Variants in AATF observed in about 807,000 individuals in gnomAD.
AATF encodes apoptosis antagonizing transcription factor, also known as protein AATF.
In AATF, 48 loss-of-function variants were observed where a neutral mutation model predicts 63.7. The observed-to-expected ratio is 0.75, with a 90% CI of 0.60 to 0.96. The LOEUF is 0.96. AATF is among the 40% of genes least tolerant of loss of function. The pLI is 0.00. For synonymous variants in AATF, 258 were observed against 247.7 expected (o/e 1.04, Z -0.39); for missense variants, 639 against 685.7 (o/e 0.93, Z 0.76).
At chr17:36,984,130 T>G (rs2071148844) in intron 4 of AATF, among the ~76,000 whole-genome samples, 1 of 152,126 alleles carries the variant, frequency 6.6e-6, no homozygotes, top group Admixed American at 6.5e-5. Context: ...TTAACCTAAG[T>G]TTGTGTGGGC....
chr17:37,049,831 G>T (rs2071731465), intron 11 of AATF, among the ~76,000 whole-genome samples: 1 of 152,126 alleles, frequency 6.6e-6, no homozygotes, highest in Non-Finnish European at 1.5e-5. Context: ...GGAGGCCCTG[G>T]GCATACTGAT....
At chr17:37,042,733 CTTTCTTT>C (rs937313464) in intron 11 of AATF, among the ~76,000 whole-genome samples, 11 of 137,276 alleles carry the variant, frequency 8.0e-5, no homozygotes, top group African/African-American at 2.0e-4. Context: ...TTAATTTTTT[CTTTCTTT>C]TTTTTTTTTT....
intron 3 of AATF, 85 bp from the exon 4 acceptor site, chr17:36,953,684 TG>T: frequency 7.8e-7 from 1 of 1,275,014 alleles, no homozygotes; most frequent in Non-Finnish European, 1.1e-6. Flanking sequence ...GAGACTGGTG[TG>T]GTTTCCTGTT....
intron 10 of AATF, among the ~76,000 whole-genome samples, chr17:37,021,816 A>T (rs1025792643): frequency 0.011 from 867 of 80,848 alleles, 65 homozygotes; most frequent in Non-Finnish European, 0.012. Flanking sequence ...AAAAAAAAAA[A>T]AAAAATAATA....
chr17:36,970,946 A>T (rs1217625602), intron 4 of AATF, among the ~76,000 whole-genome samples: 1 of 152,198 alleles, frequency 6.6e-6, no homozygotes, highest in Non-Finnish European at 1.5e-5. Flanking sequence ...GTCAATTTAT[A>T]TTAACTTAAA....
At chr17:36,949,367 G>C (rs371124800) in intron 1 of AATF, 151 bp downstream of exon 1, 25 of 695,578 alleles carry the variant, frequency 3.6e-5, no homozygotes, top group African/African-American at 3.0e-4. Context: ...GGGTGGTCCC[G>C]GCCTCGGGAG....
intron 10 of AATF, among the ~76,000 whole-genome samples, chr17:37,022,926 T>TC (rs2071484064): frequency 6.6e-6 from 1 of 152,058 alleles, no homozygotes; most frequent in Admixed American, 6.6e-5. Context: ...CGTACCTGTC[T>TC]CCCCCCAGCC....
rs2071268711 is a variant in AATF at position 36,998,182 on chromosome 17, G to A, written c.1398+7325G>A. On this transcript the variant is annotated intron_variant, in intron 8 of 11. Transcript: ENST00000619387. ...TCACAAATCACCACTAAAGAACTTAGCCATGTAACCAAATACCACCTGTAA... is the reference window on the plus strand; with the variant it reads ...TCACAAATCACCACTAAAGAACTTAACCATGTAACCAAATACCACCTGTAA... Among the ~76,000 whole-genome samples, 5 of 152,022 alleles carry A rather than the reference G, an allele frequency of 3.3e-5. 1 individual carries two copies. In the South Asian group the frequency reaches 1.0e-3, roughly 32 times the overall value.
Position 36,989,402 on chromosome 17 carries a change from A to G in AATF, c.1305A>G (p.Pro435=), listed in dbSNP as rs762677799. 6.2e-7 allele frequency: 1 copy of G among 1,612,280 alleles called. No individual in the cohort carries two copies. The highest frequency in any genetic ancestry group is 8.5e-7 in the Non-Finnish European group (1 of 1,178,840). Residue 435 remains proline, a synonymous_variant, in exon 7 of 12, where the codon CCA becomes CCG. Coordinates refer to ENST00000619387, the MANE Select transcript of AATF (RefSeq NM_012138.4). The part of the protein sequence containing the change: ...PAAQPVPESL[P]GEPEILPQAP... The stretch of plus-strand genomic sequence containing the variant: ...CTCAGCCTGTCCCAGAGAGTTTGCC[A>G]GGGGAACCGGTAAGAACTCTGTAAT...
intron 8 of AATF, among the ~76,000 whole-genome samples, chr17:37,013,793 T>C (rs757106800): frequency 7.2e-5 from 11 of 152,222 alleles, no homozygotes; most frequent in Non-Finnish European, 1.6e-4. Context: ...TGTTTTTTCC[T>C]AGAGCTAATA....
intron 11 of AATF, chr17:37,043,220 C>G (rs1400983564): frequency 6.6e-6 from 1 of 152,254 alleles, no homozygotes; most frequent in African/African-American, 2.4e-5. Flanking sequence ...CCATCGATGA[C>G]TTGTTGCCTT....
chr17:37,047,575 C>A (rs563168281), intron 11 of AATF, among the ~76,000 whole-genome samples: 50 of 152,310 alleles, frequency 3.3e-4, no homozygotes, highest in Non-Finnish European at 6.3e-4. Context: ...ATTTATAAAT[C>A]TTGAGTCTGT....
Position 37,017,714 on chromosome 17 carries a change from C to T in AATF, c.1399-1291C>T, listed in dbSNP as rs558841830. Among the ~76,000 whole-genome samples, 13 of 152,272 alleles carry T rather than the reference C, an allele frequency of 8.5e-5. No individual in the cohort carries two copies. The South Asian group carries it at 2.7e-3, about 32-fold the overall frequency. On this transcript the variant is annotated intron_variant, in intron 8 of 11. Coordinates refer to ENST00000619387, the MANE Select transcript of AATF (RefSeq NM_012138.4). ...CCAAAATAAGCAAATGAAAAAACAT[C>T]ATGGGAGGTTTTCTAATTGCAATTG...
Position 37,056,682 on chromosome 17 carries a change from AC to A in AATF, c.*21del, listed in dbSNP as rs1273438116. ...GGGATTGACATCGCCCACCTCCGAC[AC>A]CCAGTGGGCGCCTTGGCTGGTGCGG... On this transcript the variant is annotated 3_prime_UTR_variant, in exon 12 of 12. Coordinates refer to ENST00000619387, the MANE Select transcript of AATF (RefSeq NM_012138.4). The A allele has an allele frequency of 1.2e-6, 2 of 1,613,882 alleles. No homozygotes were observed. The highest frequency in any genetic ancestry group is 2.7e-5 in the African/African-American group (2 of 75,026).
intron 8 of AATF, among the ~76,000 whole-genome samples, chr17:37,000,429 G>A (rs903610983): frequency 6.6e-6 from 1 of 152,096 alleles, no homozygotes; most frequent in African/African-American, 2.4e-5. Flanking sequence ...TGGTTATATT[G>A]CCCCCTCCTC....
chr17:37,050,021 A>T (rs2071733806), intron 11 of AATF, among the ~76,000 whole-genome samples: 1 of 152,162 alleles, frequency 6.6e-6, no homozygotes, highest in African/African-American at 2.4e-5. Flanking sequence ...TCAGGATGGC[A>T]AGCAGACTCG....
intron 4 of AATF, among the ~76,000 whole-genome samples, chr17:36,982,840 A>G (rs1409891718): frequency 6.6e-6 from 1 of 152,202 alleles, no homozygotes; most frequent in Non-Finnish European, 1.5e-5. Flanking sequence ...ATCATTAAAC[A>G]GTAATTCTCC....
At chr17:36,955,398 C>T (rs774023914) in intron 4 of AATF, among the ~76,000 whole-genome samples, 10 of 152,178 alleles carry the variant, frequency 6.6e-5, no homozygotes, top group African/African-American at 9.7e-5. Context: ...GGCAGTCCTT[C>T]CCAGGAGCCT....
chr17:36,980,487 G>A (rs764226271), intron 4 of AATF: 1 of 152,202 alleles, frequency 6.6e-6, no homozygotes, highest in Non-Finnish European at 1.5e-5. Flanking sequence ...AATCTTTGCT[G>A]CTTTTCTTAA....
Sources: gnomAD v4.1 joint callset for allele counts (sites outside exome capture counted in the v4.1 genomes callset) on GRCh38, gnomAD v4.1.1 for gene constraint, MANE v1.5 for transcripts, NCBI Gene and HGNC (gene_info 2026-07-23, HGNC 2026-07-21) for gene names.